The following NOL9 variants were observed in gnomAD, a reference collection of about 807,000 sequenced individuals.
NOL9 encodes the protein polynucleotide 5'-hydroxyl-kinase NOL9.
A neutral mutation model predicts 67.9 loss-of-function variants in NOL9; 28 were observed. The observed-to-expected ratio is 0.41, with a 90% confidence interval of 0.31 to 0.57. The LOEUF is 0.57. Ranked by LOEUF, NOL9 falls within the 20% of genes least tolerant of loss-of-function variation. The pLI is 0.25. For missense variants in NOL9, 777 were observed against 897.0 expected (o/e 0.87, Z 1.71); for synonymous variants, 356 against 352.2 (o/e 1.01, Z -0.12).
intron 8 of NOL9, 78 bp from the exon 9 acceptor site, chr1:6,532,157 C>A: frequency 1.8e-6 from 2 of 1,092,448 alleles, no homozygotes; most frequent in South Asian, 2.6e-5. Flanking sequence ...TCACAGAGGT[C>A]ACATTTTCAC....
At chr1:6,541,785 T>C (rs753028833) in intron 6 of NOL9, 45 bp downstream of exon 6, 8 of 1,218,328 alleles carry the variant, frequency 6.6e-6, no homozygotes, top group Admixed American at 2.2e-5. Flanking sequence ...TCATCACATA[T>C]GAATTTCATA....
Sources: gnomAD v4.1 joint callset for allele counts on GRCh38, gnomAD v4.1.1 for gene constraint, MANE v1.5 for transcripts, NCBI Gene and HGNC (gene_info 2026-07-23, HGNC 2026-07-21) for gene names.